The following FOXP1 variants were observed in gnomAD, a reference collection of about 807,000 sequenced individuals.
FOXP1 encodes the protein forkhead box protein P1.
Under a neutral mutation model 98.2 loss-of-function variants are expected in FOXP1, and 15 were observed. The ratio of observed to expected loss-of-function variants is 0.15; its 90% CI spans 0.10 to 0.24. FOXP1 has a LOEUF of 0.24. FOXP1 is among the 10% of genes least tolerant of loss of function. The pLI is 1.00. For missense variants in FOXP1, 633 were observed against 848.5 expected (o/e 0.75, Z 3.15); for synonymous variants, 371 against 314.5 (o/e 1.18, Z -1.90).
chr3:71,277,083 C>T (rs903301289), intron 5 of FOXP1, among the ~76,000 whole-genome samples: 8 of 151,494 alleles, frequency 5.3e-5, no homozygotes, highest in African/African-American at 1.5e-4. Flanking sequence ...CTCAGCCTCC[C>T]GAGTAGCTAG....
intron 4 of FOXP1, chr3:71,332,466 A>C (rs1406187439): frequency 1.1e-5 from 2 of 176,310 alleles, no homozygotes; most frequent in African/African-American, 4.8e-5. Flanking sequence ...CCAAGAACCC[A>C]CCAATTCCGG....
chr3:71,531,782 G>A (rs192921844), intron 2 of FOXP1, among the ~76,000 whole-genome samples: 1 of 152,292 alleles, frequency 6.6e-6, no homozygotes, highest in African/African-American at 2.4e-5. Context: ...AACTGGGAAC[G>A]TTTGTGTGTT....
At chr3:71,328,990 C>CAAAAA (rs56332143) in intron 4 of FOXP1, among the ~76,000 whole-genome samples, 1 of 59,026 alleles carries the variant, frequency 1.7e-5, no homozygotes, top group African/African-American at 4.4e-5. Context: ...AAAAAAAAAA[C>CAAAAA]AAAAAAAAAA....
At chr3:71,195,797 A>C (rs1409291297) in intron 6 of FOXP1, among the ~76,000 whole-genome samples, 3 of 152,206 alleles carry the variant, frequency 2.0e-5, no homozygotes, top group Non-Finnish European at 4.4e-5. Flanking sequence ...CTTCAAGTAA[A>C]AACCTGTAGA....
intron 17 of FOXP1, among the ~76,000 whole-genome samples, chr3:70,976,009 T>C (rs1385946311): frequency 6.6e-6 from 1 of 151,456 alleles, no homozygotes; most frequent in Non-Finnish European, 1.5e-5. Context: ...AAGTTCGAAA[T>C]CTACTTTTCT....
At chr3:71,014,243 G>C (rs2044106387) in intron 12 of FOXP1, among the ~76,000 whole-genome samples, 1 of 152,082 alleles carries the variant, frequency 6.6e-6, no homozygotes, top group Admixed American at 6.5e-5. Context: ...GAAAATTTTT[G>C]CAATCTACTC....
At chr3:71,189,218 AGTCATTATAAGAAGCTTGT>A (rs6147879) in intron 6 of FOXP1, among the ~76,000 whole-genome samples, 16,788 of 152,172 alleles carry the variant, frequency 0.11, 1,262 homozygotes, top group African/African-American at 0.2. Flanking sequence ...TTAAAAACAA[AGTCATTATAAGAAGCTTGT>A]GTCAATATGG....
intron 6 of FOXP1, among the ~76,000 whole-genome samples, chr3:71,123,887 C>T (rs1247091463): frequency 1.3e-5 from 2 of 152,006 alleles, no homozygotes; most frequent in Admixed American, 6.6e-5. Context: ...GTGTTTATTG[C>T]CAGACAAGTA....
intron 3 of FOXP1, among the ~76,000 whole-genome samples, chr3:71,480,493 G>A (rs544159280): frequency 3.9e-5 from 6 of 152,284 alleles, no homozygotes; most frequent in East Asian, 1.9e-4. Context: ...ACAATGTTTC[G>A]TTCCCAAATG....
chr3:71,105,180 G>A (rs913632224), intron 7 of FOXP1, among the ~76,000 whole-genome samples: 2 of 152,176 alleles, frequency 1.3e-5, no homozygotes, highest in South Asian at 2.1e-4. Context: ...TCCTTAATCC[G>A]TGATACTACA....
chr3:71,454,418 G>A (rs1181247823), intron 3 of FOXP1, among the ~76,000 whole-genome samples: 1 of 152,112 alleles, frequency 6.6e-6, no homozygotes, highest in Non-Finnish European at 1.5e-5. Flanking sequence ...AGAGACAGGT[G>A]TTCGATAGAA....
At chr3:71,508,818 C>T (rs1407709137) in intron 2 of FOXP1, among the ~76,000 whole-genome samples, 2 of 152,192 alleles carry the variant, frequency 1.3e-5, no homozygotes, top group Non-Finnish European at 2.9e-5. Flanking sequence ...CCTTGGAATT[C>T]CAGCTCTGAC....
intron 7 of FOXP1, among the ~76,000 whole-genome samples, chr3:71,085,949 T>G (rs181412312): frequency 6.6e-6 from 1 of 151,648 alleles, no homozygotes; most frequent in Admixed American, 6.6e-5. Flanking sequence ...AGGATGGCCT[T>G]GATCTCTTGA....
chr3:71,351,220 C>T (rs1399649369), intron 4 of FOXP1, among the ~76,000 whole-genome samples: 1 of 152,098 alleles, frequency 6.6e-6, no homozygotes, highest in African/African-American at 2.4e-5. Flanking sequence ...ATGGCATGAT[C>T]GGAACCTCCT....
intron 5 of FOXP1, among the ~76,000 whole-genome samples, chr3:71,268,254 C>A (rs1236762324): frequency 6.6e-6 from 1 of 151,684 alleles, no homozygotes; most frequent in Non-Finnish European, 1.5e-5. Context: ...CCTCGCCCGG[C>A]TAATTTATTT....
intron 5 of FOXP1, among the ~76,000 whole-genome samples, chr3:71,271,868 T>C (rs765324533): frequency 6.6e-6 from 1 of 152,226 alleles, no homozygotes; most frequent in Non-Finnish European, 1.5e-5. Flanking sequence ...AGCAACATGT[T>C]ACAGGGTGTC....
chr3:71,464,703 A>G (rs918859198), intron 3 of FOXP1, among the ~76,000 whole-genome samples: 1 of 152,170 alleles, frequency 6.6e-6, no homozygotes, highest in East Asian at 1.9e-4. Flanking sequence ...ATGACTGAAG[A>G]CAAGTGGCCT....
At chr3:71,244,840 A>T (rs1215666973) in intron 5 of FOXP1, 6 of 152,166 alleles carry the variant, frequency 3.9e-5, no homozygotes, top group African/African-American at 1.4e-4. Flanking sequence ...CCCAGGCTAA[A>T]TCAACATTCT....
chr3:71,341,746 T>C (rs1258510495), intron 4 of FOXP1, among the ~76,000 whole-genome samples: 1 of 152,208 alleles, frequency 6.6e-6, no homozygotes, highest in Non-Finnish European at 1.5e-5. Flanking sequence ...AAAATATTAC[T>C]AGGATTTAAT....
Sources: gnomAD v4.1 joint callset for allele counts (sites outside exome capture counted in the v4.1 genomes callset) on GRCh38, gnomAD v4.1.1 for gene constraint, MANE v1.5 for transcripts, NCBI Gene and HGNC (gene_info 2026-07-23, HGNC 2026-07-21) for gene names.